GUCY1A2: variants seen among roughly 807,000 people sequenced by gnomAD.
GUCY1A2 encodes the protein guanylate cyclase 1 soluble subunit alpha 2, also known as guanylate cyclase soluble subunit alpha-2.
Under a neutral mutation model 63.5 loss-of-function variants are expected in GUCY1A2, and 27 were observed. That is an observed-to-expected ratio of 0.43 (90% CI 0.31 to 0.59). The LOEUF is 0.59. Among genes scored for constraint, GUCY1A2 ranks in the 20% least tolerant of loss-of-function variants. The probability of loss-of-function intolerance (pLI) is 0.11; values close to 1 mark genes in which losing one functional copy is unlikely to be tolerated. For missense variants in GUCY1A2, 768 were observed against 913.3 expected, an observed-to-expected ratio of 0.84 and a Z score of 2.05; for synonymous variants, 364 against 343.5, an observed-to-expected ratio of 1.06 and a Z score of -0.66.
At chr11:107,010,481 G>T (rs947533728) in intron 1 of GUCY1A2, among the ~76,000 whole-genome samples, 2 of 152,274 alleles carry the variant, frequency 1.3e-5, no homozygotes, top group South Asian at 4.1e-4. Context: ...AAGAGTCCAA[G>T]GAGGAGGATA....
At chr11:106,827,449 C>T (rs1038544676) in intron 4 of GUCY1A2, 1 of 1,441,856 alleles carries the variant, frequency 6.9e-7, no homozygotes, top group African/African-American at 1.4e-5. Context: ...GATCATTATT[C>T]TTTTAGCTTT....
chr11:106,936,227 G>T (rs1354332207), intron 4 of GUCY1A2, among the ~76,000 whole-genome samples: 1 of 152,240 alleles, frequency 6.6e-6, no homozygotes, highest in Non-Finnish European at 1.5e-5. Context: ...ACTGCAAACT[G>T]CTCATTAAGC....
intron 2 of GUCY1A2, 23 bp from the exon 3 acceptor site, chr11:106,978,763 A>C (rs111785800): frequency 6.3e-7 from 1 of 1,576,750 alleles, no homozygotes. Context: ...CAAAATTAGC[A>C]TAAGGAGAAA....
At chr11:106,929,429 G>A (rs1323870952) in intron 4 of GUCY1A2, among the ~76,000 whole-genome samples, 1 of 152,122 alleles carries the variant, frequency 6.6e-6, no homozygotes, top group East Asian at 1.9e-4. Flanking sequence ...TTGCTAAATA[G>A]TCAAAGCTTT....
At chr11:106,784,434 G>A (rs970550295) in intron 5 of GUCY1A2, among the ~76,000 whole-genome samples, 11 of 151,882 alleles carry the variant, frequency 7.2e-5, no homozygotes, top group African/African-American at 2.4e-4. Flanking sequence ...GCCATACCTC[G>A]GTCTCCCTAG....
At chr11:106,926,520 T>A (rs1445234025) in intron 4 of GUCY1A2, among the ~76,000 whole-genome samples, 1 of 151,874 alleles carries the variant, frequency 6.6e-6, no homozygotes, top group African/African-American at 2.4e-5. Context: ...CTTGCTCAGA[T>A]TATAGAGAAC....
intron 5 of GUCY1A2, among the ~76,000 whole-genome samples, chr11:106,808,183 G>T (rs769545919): frequency 2.0e-5 from 3 of 151,944 alleles, no homozygotes; most frequent in African/African-American, 4.8e-5. Flanking sequence ...CCAAGGCCTG[G>T]AATCTTTAGT....
intron 4 of GUCY1A2, among the ~76,000 whole-genome samples, chr11:106,823,624 T>G (rs1310124992): frequency 6.6e-6 from 1 of 152,132 alleles, no homozygotes; most frequent in African/African-American, 2.4e-5. Flanking sequence ...AGTGGTTCTA[T>G]TTTTAGTCCT....
At chr11:106,872,381 C>T (rs1047453351) in intron 4 of GUCY1A2, among the ~76,000 whole-genome samples, 1 of 152,134 alleles carries the variant, frequency 6.6e-6, no homozygotes, top group Non-Finnish European at 1.5e-5. Context: ...AGAAAGGTCA[C>T]AACATTGCTA....
chr11:106,729,096 T>C (rs1311461861), intron 6 of GUCY1A2, among the ~76,000 whole-genome samples: 1 of 152,186 alleles, frequency 6.6e-6, no homozygotes, highest in East Asian at 1.9e-4. Context: ...ATGTCTGCTT[T>C]TATGGTATTT....
In GUCY1A2 at chr11:106,686,134, T is replaced by C. The variant is rs554515526; in HGVS notation, c.*1415A>G. The C allele has an allele frequency of 5.6e-5, 12 of 215,646 alleles. No homozygotes were observed. The highest frequency in any genetic ancestry group is 1.1e-4 in the African/African-American group (5 of 44,524). The allele number at this position is 215,646 out of a possible 1,614,324, so 13.4% of individuals were successfully genotyped here. A position where few individuals can be genotyped will look rare whatever the true frequency, so the allele number is the denominator to read the frequency against. On this transcript the variant is annotated 3_prime_UTR_variant, in exon 8 of 8. Transcript: ENST00000526355. ...AATGCTTCCAGCTTATTAACCTCAATAGAAACTTAGATTTTATATCTGAAC... is the reference window on the plus strand; with the variant it reads ...AATGCTTCCAGCTTATTAACCTCAACAGAAACTTAGATTTTATATCTGAAC...
chr11:106,997,293 G>A (rs941910754), intron 1 of GUCY1A2, among the ~76,000 whole-genome samples: 4 of 152,124 alleles, frequency 2.6e-5, no homozygotes, highest in African/African-American at 4.8e-5. Flanking sequence ...GTCAGGTAAT[G>A]TCATTCTTCT....
Position 106,799,323 on chromosome 11 carries a change from G to A in GUCY1A2, c.1692+10670C>T, listed in dbSNP as rs367761682. Among the ~76,000 whole-genome samples the A allele has an allele frequency of 5.6e-4, 85 of 152,208 alleles. 1 individual carries two copies. Among genetic ancestry groups the A allele is most frequent in the South Asian group, 1.9e-3 (9 of 4,826 alleles). ...TGTCATGAAAATGGCCATACTGCCC[G>A]AGGTAATTTCTAGATTCAATGCCAT... On this transcript the variant is annotated intron_variant, in intron 5 of 7. Coordinates refer to ENST00000526355, the MANE Select transcript of GUCY1A2 (RefSeq NM_000855.3).
rs1381396439 is a variant in GUCY1A2 at position 106,737,954 on chromosome 11, C to G, written c.1837-29288G>C. Reference sequence around the variant, plus strand: ...TCAAATGGTAATTCTGGTTCTAGATCCTTGAGGAATCACCACACTGTCTTC... The same window carrying G: ...TCAAATGGTAATTCTGGTTCTAGATGCTTGAGGAATCACCACACTGTCTTC... On this transcript the variant is annotated intron_variant, in intron 6 of 7. Coordinates refer to ENST00000526355, the MANE Select transcript of GUCY1A2 (RefSeq NM_000855.3). 2.0e-5 allele frequency among the ~76,000 whole-genome samples: 3 copies of G among 152,106 alleles called. No homozygotes were observed. The East Asian group carries it at 5.8e-4, about 29-fold the overall frequency.
At chr11:106,716,795 GATAA>G (rs1863223909) in intron 6 of GUCY1A2, among the ~76,000 whole-genome samples, 1 of 87,660 alleles carries the variant, frequency 1.1e-5, no homozygotes, top group South Asian at 3.8e-4. Context: ...AAAAAAAAAA[GATAA>G]GAGTAAATCT....
intron 3 of GUCY1A2, among the ~76,000 whole-genome samples, chr11:106,947,237 A>G (rs1348682742): frequency 1.3e-5 from 2 of 151,756 alleles, no homozygotes; most frequent in Admixed American, 6.6e-5. Context: ...AAAAAGAATG[A>G]AAGAAGAAAT....
In GUCY1A2 at chr11:106,675,652, C is replaced by A. The variant is rs2135323075; in HGVS notation, c.*11897G>T. ...ATTAAAATATTTCCCTAAAGAAATA[C>A]AAATGGTAAAGGTATTGAAAGTCAC... is the stretch of plus-strand genomic sequence containing the variant. On this transcript the variant is annotated 3_prime_UTR_variant, in exon 8 of 8. Transcript: ENST00000526355. The A allele has an allele frequency of 5.3e-6, 1 of 187,620 alleles. No homozygotes were observed. The highest frequency in any genetic ancestry group is 1.1e-5 in the Non-Finnish European group (1 of 88,984). 11.6% of individuals were successfully genotyped at this position (187,620 alleles called of 1,614,324 possible).
intron 4 of GUCY1A2, among the ~76,000 whole-genome samples, chr11:106,843,137 AC>A (rs1859223642): frequency 1.3e-5 from 2 of 151,990 alleles, no homozygotes; most frequent in Admixed American, 1.3e-4. Context: ...GCTTGTGAAA[AC>A]AATTGCTACC....
At chr11:106,741,006 C>G (rs779927146) in intron 6 of GUCY1A2, among the ~76,000 whole-genome samples, 1 of 152,136 alleles carries the variant, frequency 6.6e-6, no homozygotes, top group Non-Finnish European at 1.5e-5. Flanking sequence ...TCTAGCTGCA[C>G]AGTCTTGGAG....
Sources: gnomAD v4.1 joint callset for allele counts (sites outside exome capture counted in the v4.1 genomes callset) on GRCh38, gnomAD v4.1.1 for gene constraint, MANE v1.5 for transcripts, NCBI Gene and HGNC (gene_info 2026-07-23, HGNC 2026-07-21) for gene names.